Variants in CADPS observed in about 807,000 individuals in gnomAD.
CADPS encodes the protein calcium-dependent secretion activator 1.
In CADPS, 57 loss-of-function variants were observed where a neutral mutation model predicts 167.3. That is an observed-to-expected ratio of 0.34 (90% confidence interval 0.28 to 0.42). The LOEUF (loss-of-function observed/expected upper bound fraction) is 0.42. CADPS is among the 20% of genes least tolerant of loss of function. CADPS has a pLI of 1.00. For missense variants in CADPS, 1,414 were observed against 1,738.1 expected, an observed-to-expected ratio of 0.81 and a Z score of 3.32; for synonymous variants, 676 against 635.3, an observed-to-expected ratio of 1.06 and a Z score of -0.96.
intron 28 of CADPS, among the ~76,000 whole-genome samples, chr3:62,432,255 C>T (rs933149439): frequency 3.3e-5 from 5 of 152,070 alleles, no homozygotes; most frequent in Admixed American, 6.6e-5. Flanking sequence ...TTAGTCCTCA[C>T]GAAAACTGTA....
intron 1 of CADPS, among the ~76,000 whole-genome samples, chr3:62,769,074 C>T (rs2087761967): frequency 6.6e-6 from 1 of 152,132 alleles, no homozygotes; most frequent in Non-Finnish European, 1.5e-5. Context: ...TGACTAACCT[C>T]TCTAAAGCTC....
chr3:62,735,377 T>G (rs2078784935), intron 3 of CADPS, among the ~76,000 whole-genome samples: 1 of 152,082 alleles, frequency 6.6e-6, no homozygotes, highest in Non-Finnish European at 1.5e-5. Flanking sequence ...TAAATGTTAC[T>G]CTGCGCTTGG....
intron 11 of CADPS, among the ~76,000 whole-genome samples, chr3:62,537,342 G>C (rs1345780446): frequency 6.6e-6 from 1 of 152,142 alleles, no homozygotes. Context: ...CGGGGTGAAG[G>C]CTGTAGGCAA....
chr3:62,712,598 A>C (rs1236563315), intron 3 of CADPS, among the ~76,000 whole-genome samples: 1 of 152,338 alleles, frequency 6.6e-6, no homozygotes, highest in African/African-American at 2.4e-5. Context: ...TCGTTTCTCC[A>C]GCTTGCATCC....
At chr3:62,645,593 T>G (rs779461747) in intron 6 of CADPS, 129 bp downstream of exon 6, 2 of 988,662 alleles carry the variant, frequency 2.0e-6, no homozygotes, top group Non-Finnish European at 3.0e-6. Flanking sequence ...TCATCTTGTT[T>G]GAAAAATAAA....
At chr3:62,452,953 AAAACAAACAAAC>A (rs112116630) in intron 26 of CADPS, among the ~76,000 whole-genome samples, 1 of 151,964 alleles carries the variant, frequency 6.6e-6, no homozygotes, top group Non-Finnish European at 1.5e-5. Flanking sequence ...AGTTTCTACA[AAAACAAACAAAC>A]AAACAAACAA....
intron 17 of CADPS, among the ~76,000 whole-genome samples, chr3:62,505,083 A>G (rs1398018942): frequency 6.6e-6 from 1 of 152,212 alleles, no homozygotes; most frequent in Non-Finnish European, 1.5e-5. Context: ...GGGTGGGGGT[A>G]GATAAAAGCT....
intron 21 of CADPS, among the ~76,000 whole-genome samples, chr3:62,485,831 A>G (rs974214128): frequency 6.6e-6 from 1 of 152,220 alleles, no homozygotes; most frequent in African/African-American, 2.4e-5. Context: ...GAATGTTAGC[A>G]TTGGAAAAGC....
At chr3:62,528,504 C>T (rs368763515) in intron 13 of CADPS, among the ~76,000 whole-genome samples, 1 of 152,082 alleles carries the variant, frequency 6.6e-6, no homozygotes, top group African/African-American at 2.4e-5. Context: ...TAAATTGCAC[C>T]TTCGAAAACA....
chr3:62,546,871 C>A (rs988797516), intron 11 of CADPS, among the ~76,000 whole-genome samples: 2 of 152,018 alleles, frequency 1.3e-5, no homozygotes, highest in African/African-American at 4.8e-5. Flanking sequence ...TGCAGGGGGT[C>A]CTGGAACCAA....
chr3:62,600,987 C>T (rs1227895781), intron 6 of CADPS, among the ~76,000 whole-genome samples: 4 of 152,002 alleles, frequency 2.6e-5, no homozygotes, highest in Non-Finnish European at 4.4e-5. Context: ...GGATGGAGTC[C>T]TTGACGGAAG....
At chr3:62,506,974 G>T (rs2066800786) in intron 17 of CADPS, among the ~76,000 whole-genome samples, 3 of 152,166 alleles carry the variant, frequency 2.0e-5, no homozygotes. Flanking sequence ...GAAAACACAT[G>T]AACATTTTTC....
intron 28 of CADPS, among the ~76,000 whole-genome samples, chr3:62,436,825 G>C (rs1297401190): frequency 6.6e-6 from 1 of 151,994 alleles, no homozygotes; most frequent in Non-Finnish European, 1.5e-5. Context: ...GCAGGGGAAA[G>C]AGGGGTATCA....
At position 62,438,416 on chromosome 3, in the gene CADPS, G is replaced by A. The variant is rs2055595242; in HGVS notation, c.3670-205C>T. On this transcript the variant is annotated intron_variant, in intron 27 of 29. Transcript: ENST00000383710. This position sits in a 1 kb window ranked among gnomAD's most constrained non-coding sequence, Gnocchi z 4.7. ...TTCCTCTTTCCAGAAATCAAGCCTG[G>A]CTAAGAAGGGCATTGAGATTGTAGG... The A allele has an allele frequency of 2.0e-6, 1 of 507,790 alleles. No homozygotes were observed. The highest frequency in any genetic ancestry group is 2.0e-5 in the African/African-American group (1 of 51,146). The allele number at this position is 507,790 out of a possible 1,614,324, so 31.5% of individuals were successfully genotyped here.
At chr3:62,592,159 C>T (rs989263590) in intron 7 of CADPS, among the ~76,000 whole-genome samples, 1 of 152,148 alleles carries the variant, frequency 6.6e-6, no homozygotes, top group Admixed American at 6.5e-5. Context: ...TTCACAGTGA[C>T]TCTTCATATG....
chr3:62,797,169 T>C (rs947780976), intron 1 of CADPS, among the ~76,000 whole-genome samples: 8 of 148,056 alleles, frequency 5.4e-5, no homozygotes, highest in African/African-American at 1.9e-4. Context: ...TTTTGTTTTT[T>C]GTTTTTTTTC....
At chr3:62,832,666 C>T (rs1020401545) in intron 1 of CADPS, among the ~76,000 whole-genome samples, 8 of 152,314 alleles carry the variant, frequency 5.3e-5, no homozygotes, top group African/African-American at 9.6e-5. Flanking sequence ...GCTGCCTCTC[C>T]TCACATTGCT....
At chr3:62,639,606 T>C (rs906542543) in intron 6 of CADPS, among the ~76,000 whole-genome samples, 1 of 152,232 alleles carries the variant, frequency 6.6e-6, no homozygotes, top group Non-Finnish European at 1.5e-5. Flanking sequence ...CAATAAATAC[T>C]AGTTTACCAA....
At chr3:62,661,278 T>C (rs2073141481) in intron 4 of CADPS, among the ~76,000 whole-genome samples, 1 of 152,188 alleles carries the variant, frequency 6.6e-6, no homozygotes, top group African/African-American at 2.4e-5. Flanking sequence ...AAGGTTGATA[T>C]GCGATCTGAC....
Sources: gnomAD v4.1 joint callset for allele counts (sites outside exome capture counted in the v4.1 genomes callset) on GRCh38, gnomAD v4.1.1 for gene constraint, Gnocchi (gnomAD v3.1) non-coding constraint, MANE v1.5 for transcripts, NCBI Gene and HGNC (gene_info 2026-07-23, HGNC 2026-07-21) for gene names.